SLC25A41: variants seen among roughly 807,000 people sequenced by gnomAD.
The protein encoded by SLC25A41 is mitochondrial carrier protein SCaMC-3L.
Under a neutral mutation model 34.7 loss-of-function variants are expected in SLC25A41, and 35 were observed. That is an observed-to-expected ratio of 1.01 (90% CI 0.77 to 1.34). The LOEUF (loss-of-function observed/expected upper bound fraction) is 1.34, where lower values mean the gene tolerates loss of function less well. Ranked by LOEUF, SLC25A41 falls within the 40% of genes most tolerant of loss-of-function variation. SLC25A41 has a pLI of 0.00. For missense variants in SLC25A41, 492 were observed against 489.8 expected, an observed-to-expected ratio of 1.00 and a Z score of -0.04; for synonymous variants, 190 against 209.9, an observed-to-expected ratio of 0.91 and a Z score of 0.82.
chr19:6,426,148 G>A lies in SLC25A41; in HGVS notation c.*241C>T, dbSNP rs1243968712. The A allele has an allele frequency of 4.0e-6, 2 of 503,928 alleles. No homozygotes were observed. Among genetic ancestry groups the A allele is most frequent in the East Asian group, 6.1e-5 (2 of 33,044 alleles). The allele number at this position is 503,928 out of a possible 1,614,324, so 31.2% of individuals were successfully genotyped here. On this transcript the variant is annotated 3_prime_UTR_variant, in exon 7 of 7. Transcript: ENST00000321510. ...CTGGAGTCCACGTTTCTTGTCTCAGGCTGCACCCTGGGGAGGGAGTCCCAG... is the reference window on the plus strand; with the variant it reads ...CTGGAGTCCACGTTTCTTGTCTCAGACTGCACCCTGGGGAGGGAGTCCCAG...
rs1448955112 is a variant in SLC25A41, at chr19:6,430,073, C to T, written c.452G>A (p.Gly151Asp). 6.2e-7 allele frequency: 1 copy of T among 1,613,206 alleles called. No individual in the cohort carries two copies. The highest frequency in any genetic ancestry group is 1.1e-5 in the South Asian group (1 of 90,942). ...AATCTTGAGCACGTTGATGCCGTTGCCCCGCCACAGGGAGCGGAAGCCGCC... is the reference window on the plus strand; with the variant it reads ...AATCTTGAGCACGTTGATGCCGTTGTCCCGCCACAGGGAGCGGAAGCCGCC... ...QEGGFRSLWR[G>D]NGINVLKIAP... The change falls in exon 3 of 7, where the codon GGC becomes GAC. Residue 151 changes from glycine (G) to aspartate (D), a missense_variant. Gly to Asp is a moderately conservative substitution (Grantham distance 94). Coordinates refer to ENST00000321510, the MANE Select transcript of SLC25A41 (RefSeq NM_173637.4).
upstream of SLC25A41, chr19:6,433,833 G>T: frequency 1.6e-6 from 1 of 626,178 alleles, no homozygotes; most frequent in Non-Finnish European, 2.6e-6. Flanking sequence ...GACCTTCCTA[G>T]GTGTGGTGGG....
chr19:6,429,454 AAGGAGGGGAGGAGGAGAGGAAAG>A (rs1568350185), intron 4 of SLC25A41, among the ~76,000 whole-genome samples: 1 of 52,090 alleles, frequency 1.9e-5, no homozygotes. Context: ...AGGAGGAAGA[AAGGAGGGGAGGAGGAGAGGAAAG>A]AGGAGGGGAG....
In SLC25A41 at chr19:6,426,480, C is replaced by T. The variant is rs780107497; in HGVS notation, c.1022G>A (p.Arg341Gln). ...CTTCAGTAGCGTGGGGGTCATGCCTCGGTACAGCCCTAGCCAGCCCTGCTG... is the reference window on the plus strand; with the variant it reads ...CTTCAGTAGCGTGGGGGTCATGCCTTGGTACAGCCCTAGCCAGCCCTGCTG... ...LAQQGWLGLY[R>Q]GMTPTLLKVL... Residue 341 changes from arginine (R) to glutamine (Q), a missense_variant, in exon 7 of 7, where the codon CGA (arginine) becomes CAA (glutamine). Physicochemically the swap from Arg to Gln is conservative, Grantham distance 43. Transcript: ENST00000321510. The T allele has an allele frequency of 1.9e-5, 31 of 1,613,704 alleles. No individual in the cohort carries two copies. The South Asian group carries it at 2.5e-4, about 13-fold the overall frequency.
chr19:6,427,266 G>T lies in SLC25A41; in HGVS notation c.793-16C>A, dbSNP rs753682224. ...ACTGGAGCATCTGCAAGAGAAGGGGGCCAGGAGAAAGCTCACTAGGAGCCT... is the reference window on the plus strand; with the variant it reads ...ACTGGAGCATCTGCAAGAGAAGGGGTCCAGGAGAAAGCTCACTAGGAGCCT... On this transcript the variant is annotated splice_polypyrimidine_tract_variant and intron_variant, in intron 5 of 6. Transcript: ENST00000321510. This position sits in a 1 kb window ranked among gnomAD's most constrained non-coding sequence, Gnocchi z 4.9. 6.2e-7 allele frequency: 1 copy of T among 1,611,860 alleles called. No individual in the cohort carries two copies. Among genetic ancestry groups the T allele is most frequent in the Admixed American group, 1.7e-5 (1 of 59,980 alleles).
rs752221661 is a variant in SLC25A41 at position 6,430,050 on chromosome 19, T to C, written c.475A>G (p.Ile159Val). Residue 159 changes from isoleucine (I) to valine (V), a missense_variant, in exon 3 of 7, where the codon ATT (isoleucine) becomes GTT (valine). Transcript: ENST00000321510. ...AACTTGATGGCATACTCAGGAGCAA[T>C]CTTGAGCACGTTGATGCCGTTGCCC... ...WRGNGINVLK[I>V]APEYAIKFSV... is the part of the protein sequence containing the mutation. 3.7e-6 allele frequency: 6 copies of C among 1,612,444 alleles called. No individual in the cohort carries two copies. Among genetic ancestry groups the C allele is most frequent in the Non-Finnish European group, 5.1e-6 (6 of 1,179,266 alleles).
In SLC25A41 at chr19:6,429,060, T is replaced by TA. The variant is rs1491446894; in HGVS notation, c.624+663_624+664insT. On this transcript the variant is annotated intron_variant, in intron 4 of 6. Coordinates refer to ENST00000321510, the MANE Select transcript of SLC25A41 (RefSeq NM_173637.4). Reference sequence around the variant, plus strand: ...ATATAATATATATATTATATATATGTTATATATATATATAATATATATATT... The same window carrying TA: ...ATATAATATATATATTATATATATGTATATATATATATATAATATATATATT... 2.7e-4 allele frequency among the ~76,000 whole-genome samples: 3 copies of TA among 11,162 alleles called. 1 individual carries two copies. Among genetic ancestry groups the TA allele is most frequent in the South Asian group, 2.0e-3 (1 of 490 alleles). 7.3% of individuals were successfully genotyped at this position (11,162 alleles called of 152,430 possible).
chr19:6,433,552 G>A lies in SLC25A41; in HGVS notation c.142C>T (p.His48Tyr). The A allele has an allele frequency of 6.2e-7, 1 of 1,613,392 alleles. No individual in the cohort carries two copies. Among genetic ancestry groups the A allele is most frequent in the Non-Finnish European group, 8.5e-7 (1 of 1,179,740 alleles). ...TGGCCAAACGCGTACCCATACACGT[G>A]TGTACAGCCAGGGTTCCAGGATGGG... is the stretch of plus-strand genomic sequence containing the variant. ...PPPSWNPGCT[H>Y]VYGYAFGHMH... The change falls in exon 1 of 7, where the codon CAC becomes TAC. Residue 48 changes from histidine (H) to tyrosine (Y), a missense_variant. Transcript: ENST00000321510.
intron 2 of SLC25A41, chr19:6,430,392 C>T (rs2092280371): frequency 1.7e-6 from 1 of 574,146 alleles, no homozygotes; most frequent in Non-Finnish European, 3.1e-6. Context: ...CTCTTCATCT[C>T]CTCAGTCTTT....
At chr19:6,434,197 C>T (rs1295500372), upstream of SLC25A41, among the ~76,000 whole-genome samples, 1 of 152,154 alleles carries the variant, frequency 6.6e-6, no homozygotes, top group South Asian at 2.1e-4. Context: ...CCCACCTCAG[C>T]CTCCCAAAGT....
chr19:6,430,375 AC>A (rs2092280266), intron 2 of SLC25A41: 1 of 550,896 alleles, frequency 1.8e-6, no homozygotes, highest in Non-Finnish European at 3.2e-6. Flanking sequence ...TTCCCACCTC[AC>A]CCCTCCTCTT....
rs1490178888 is a variant in SLC25A41 at position 6,433,361 on chromosome 19, C to T, written c.207+126G>A. 6.1e-6 allele frequency: 6 copies of T among 989,554 alleles called. No individual in the cohort carries two copies. The East Asian group carries it at 9.8e-5, about 16-fold the overall frequency. 61.3% of individuals were successfully genotyped at this position (989,554 alleles called of 1,614,324 possible). A position where few individuals can be genotyped will look rare whatever the true frequency, so the allele number is the denominator to read the frequency against. On this transcript the variant is annotated intron_variant, in intron 1 of 6. Transcript: ENST00000321510. ...CATCGCGCCCTGCCTCCCTGCCCCA[C>T]CCTGCTTCAAGGTGGAATTCTAGGT...
chr19:6,433,806 G>T, upstream of SLC25A41: 1 of 886,394 alleles, frequency 1.1e-6, no homozygotes, highest in Non-Finnish European at 1.7e-6. Flanking sequence ...GGAGGATGAA[G>T]TCACAAACGC....
chr19:6,429,624 A>AGG (rs1171477827), intron 4 of SLC25A41, 100 bp downstream of exon 4: 1 of 777,642 alleles, frequency 1.3e-6, no homozygotes, highest in African/African-American at 1.9e-5. Context: ...AAAGGAGGAG[A>AGG]AAGGAGGAGG....
upstream of SLC25A41, among the ~76,000 whole-genome samples, chr19:6,435,626 G>GCGGGAGGATCACTTGAGTC (rs2092307017): frequency 2.0e-5 from 3 of 152,030 alleles, no homozygotes; most frequent in South Asian, 6.2e-4. Flanking sequence ...GGAGGCTGAG[G>GCGGGAGGATCACTTGAGTC]CGGGAGGATC....
Position 6,427,271 on chromosome 19 carries a change from G to C in SLC25A41, c.793-21C>G, listed in dbSNP as rs2092246710. The C allele has an allele frequency of 6.2e-7, 1 of 1,611,514 alleles. No homozygotes were observed. The highest frequency in any genetic ancestry group is 1.3e-5 in the African/African-American group (1 of 75,052). On this transcript the variant is annotated intron_variant, in intron 5 of 6. Coordinates refer to ENST00000321510, the MANE Select transcript of SLC25A41 (RefSeq NM_173637.4). This position sits in a 1 kb window ranked among gnomAD's most constrained non-coding sequence, Gnocchi z 4.9. Reference sequence around the variant, plus strand: ...AGCATCTGCAAGAGAAGGGGGCCAGGAGAAAGCTCACTAGGAGCCTGGGCT... The same window carrying C: ...AGCATCTGCAAGAGAAGGGGGCCAGCAGAAAGCTCACTAGGAGCCTGGGCT...
At chr19:6,429,163 TAA>T (rs1491496888) in intron 4 of SLC25A41, among the ~76,000 whole-genome samples, 116 of 11,178 alleles carry the variant, frequency 0.01, 27 homozygotes, top group African/African-American at 0.027. Context: ...ATTATATATA[TAA>T]TATATATATA....
At chr19:6,426,835 C>T (rs1269011594) in intron 6 of SLC25A41, among the ~76,000 whole-genome samples, 1 of 152,024 alleles carries the variant, frequency 6.6e-6, no homozygotes, top group Non-Finnish European at 1.5e-5. Flanking sequence ...TGTGGAGGCA[C>T]GATCATAGCT....
rs780328951 is a variant in SLC25A41 at position 6,430,136 on chromosome 19, G to T, written c.389C>A (p.Thr130Asn). ...GCTCTGTAGCCCCCCCAGCAGGTTG[G>T]TGAAGTTCGTCTTGGAGGAGTAGAC... ...MQVYSSKTNF[T>N]NLLGGLQSMV... The change falls in exon 3 of 7, where the codon ACC becomes AAC. Residue 130 changes from threonine to asparagine, a missense_variant. By Grantham distance (65) the Thr-to-Asn change is moderately conservative. Transcript: ENST00000321510. 6.2e-7 allele frequency: 1 copy of T among 1,613,030 alleles called. No homozygotes were observed.
Sources: gnomAD v4.1 joint callset for allele counts (sites outside exome capture counted in the v4.1 genomes callset) on GRCh38, gnomAD v4.1.1 for gene constraint, Gnocchi (gnomAD v3.1) non-coding constraint, MANE v1.5 for transcripts, NCBI Gene and HGNC (gene_info 2026-07-23, HGNC 2026-07-21) for gene names.